Variants in MMP16 observed in about 807,000 individuals in gnomAD.
MMP16 encodes matrix metalloproteinase-16.
Under a neutral mutation model 67.8 loss-of-function variants are expected in MMP16, and 12 were observed. That is an observed-to-expected ratio of 0.18 (90% confidence interval 0.11 to 0.29). The LOEUF is 0.29. Ranked by LOEUF, MMP16 falls within the 10% of genes least tolerant of loss-of-function variation. The pLI is 1.00. For synonymous variants in MMP16, 249 were observed against 255.9 expected (o/e 0.97, Z 0.26); for missense variants, 475 against 765.7 (o/e 0.62, Z 4.48).
chr8:88,308,338 T>A (rs545626846), intron 1 of MMP16, among the ~76,000 whole-genome samples: 1 of 152,104 alleles, frequency 6.6e-6, no homozygotes, highest in Admixed American at 6.6e-5. Context: ...ATGTGAATGT[T>A]TGCTCTATAA....
chr8:88,053,698 A>G (rs1259201710), intron 8 of MMP16, among the ~76,000 whole-genome samples: 1 of 152,156 alleles, frequency 6.6e-6, no homozygotes, highest in African/African-American at 2.4e-5. Flanking sequence ...CTAAGTTTTA[A>G]ATCTAGAATA....
chr8:88,220,928 T>C (rs753918252), intron 1 of MMP16, among the ~76,000 whole-genome samples: 2 of 152,086 alleles, frequency 1.3e-5, no homozygotes, highest in Non-Finnish European at 2.9e-5. Flanking sequence ...AATAAATAAA[T>C]CCACAAAGAA....
chr8:88,088,065 A>AATAG (rs1808870103), intron 6 of MMP16, among the ~76,000 whole-genome samples: 1 of 100,014 alleles, frequency 1.0e-5, no homozygotes, highest in African/African-American at 4.2e-5. Context: ...ATCTATATAT[A>AATAG]ATAGATATCT....
chr8:88,118,745 A>G lies in MMP16; in HGVS notation c.826T>C (p.Phe276Leu). The change falls in exon 5 of 10, where the codon TTC becomes CTC. Residue 276 changes from phenylalanine (F) to leucine (L), a missense_variant. Physicochemically the swap from Phe to Leu is conservative, Grantham distance 22 (BLOSUM62 0). This residue lies in a region of MMP16 where 195 missense variants were observed against 300.9 expected (regional missense o/e 0.65). Coordinates refer to ENST00000286614, the MANE Select transcript of MMP16 (RefSeq NM_005941.5). ...TGTAAATCATCATTAGGTAGTTTGA[A>G]GTTGTCTGTTTCCATGTACTGGTAA... ...PFYQYMETDNFKLPNDDLQGI... is the reference protein window; with the variant it reads ...PFYQYMETDNLKLPNDDLQGI... 1 of 1,613,432 alleles carries G rather than the reference A, an allele frequency of 6.2e-7. No individual in the cohort carries two copies. Among genetic ancestry groups the G allele is most frequent in the Non-Finnish European group, 8.5e-7 (1 of 1,179,558 alleles).
rs1159347951 is a variant in MMP16, at chr8:88,098,545, T to A, written c.1083+17962A>T. 3.9e-5 allele frequency among the ~76,000 whole-genome samples: 6 copies of A among 152,128 alleles called. No individual in the cohort carries two copies. In the East Asian group the frequency reaches 9.7e-4, roughly 25 times the overall value. ...ACATATCAGAGGGCAAAAGCTAGGC[T>A]TCCTTTAGGGCATGGCCAATTCTTT... is the stretch of plus-strand genomic sequence containing the variant. On this transcript the variant is annotated intron_variant, in intron 6 of 9. Coordinates refer to ENST00000286614, the MANE Select transcript of MMP16 (RefSeq NM_005941.5).
At chr8:88,318,816 T>C (rs148452430) in intron 1 of MMP16, among the ~76,000 whole-genome samples, 131 of 152,310 alleles carry the variant, frequency 8.6e-4, no homozygotes, top group African/African-American at 2.6e-3. Context: ...TTAATTAACA[T>C]TGTTTTTTAT....
chr8:88,138,447 C>G (rs1374602714), intron 4 of MMP16, among the ~76,000 whole-genome samples: 4 of 151,984 alleles, frequency 2.6e-5, no homozygotes, highest in African/African-American at 4.8e-5. Context: ...TTTTGACTGG[C>G]TCTTAGATTT....
intron 1 of MMP16, among the ~76,000 whole-genome samples, chr8:88,237,346 T>C (rs915033305): frequency 1.3e-5 from 2 of 152,196 alleles, no homozygotes; most frequent in Non-Finnish European, 2.9e-5. Flanking sequence ...TGCCTGAATT[T>C]AGCTTTTCAA....
intron 6 of MMP16, among the ~76,000 whole-genome samples, chr8:88,098,384 C>A (rs2118368275): frequency 6.6e-6 from 1 of 152,090 alleles, no homozygotes; most frequent in Non-Finnish European, 1.5e-5. Flanking sequence ...GCGTCTAGGT[C>A]TACTTATACC....
chr8:88,299,740 G>A (rs368211392), intron 1 of MMP16, among the ~76,000 whole-genome samples: 3 of 152,146 alleles, frequency 2.0e-5, no homozygotes, highest in East Asian at 3.9e-4. Flanking sequence ...TCAGACAATA[G>A]ATAATAACTT....
chr8:88,227,858 TA>T (rs1809794855), intron 1 of MMP16, among the ~76,000 whole-genome samples: 1 of 152,016 alleles, frequency 6.6e-6, no homozygotes, highest in Non-Finnish European at 1.5e-5. Context: ...GCCCATTCCC[TA>T]AAATACCCAG....
intron 1 of MMP16, among the ~76,000 whole-genome samples, chr8:88,279,300 T>C (rs1585995769): frequency 6.6e-6 from 1 of 152,248 alleles, no homozygotes; most frequent in African/African-American, 2.4e-5. Flanking sequence ...GTTAAAATGA[T>C]AATATATCCG....
At chr8:88,168,551 C>G (rs1467191709) in intron 3 of MMP16, among the ~76,000 whole-genome samples, 3 of 152,116 alleles carry the variant, frequency 2.0e-5, no homozygotes, top group Non-Finnish European at 4.4e-5. Flanking sequence ...CTATTTAATA[C>G]AAAGTTTTCA....
chr8:88,169,736 A>G (rs7814234), intron 3 of MMP16, among the ~76,000 whole-genome samples: 12,465 of 152,200 alleles, frequency 0.082, 550 homozygotes, highest in African/African-American at 0.11. Flanking sequence ...GCAGGTTCAA[A>G]GAACAGCAAG....
At chr8:88,104,068 T>C (rs1217982807) in intron 6 of MMP16, among the ~76,000 whole-genome samples, 2 of 151,804 alleles carry the variant, frequency 1.3e-5, no homozygotes, top group Admixed American at 6.6e-5. Context: ...AAAATTAGTA[T>C]GGCTTCACCA....
At chr8:88,240,446 G>A (rs976091518) in intron 1 of MMP16, among the ~76,000 whole-genome samples, 6 of 152,174 alleles carry the variant, frequency 3.9e-5, no homozygotes. Flanking sequence ...CAGGAGAGCA[G>A]CAAGGACAGA....
intron 3 of MMP16, among the ~76,000 whole-genome samples, chr8:88,180,318 A>G (rs1352847797): frequency 6.7e-6 from 1 of 148,998 alleles, no homozygotes; most frequent in Non-Finnish European, 1.5e-5. Flanking sequence ...TGCCAATAAA[A>G]ACAGCACAGA....
At chr8:88,076,498 C>A (rs905807391) in intron 6 of MMP16, among the ~76,000 whole-genome samples, 1 of 152,080 alleles carries the variant, frequency 6.6e-6, no homozygotes, top group African/African-American at 2.4e-5. Context: ...ATGTTTTTCT[C>A]CTTTTCTTGA....
chr8:88,161,721 A>T lies in MMP16; in HGVS notation c.709+5948T>A, dbSNP rs561205683. Among the ~76,000 whole-genome samples, 47 of 151,938 alleles carry T rather than the reference A, an allele frequency of 3.1e-4. 1 individual carries two copies. The highest frequency in any genetic ancestry group is 6.3e-4 in the Non-Finnish European group (43 of 67,948). ...TAAATTTCCGTCTACACACTGCTTT[A>T]AACGTGTCCCAGAGATTCTGGTATG... On this transcript the variant is annotated intron_variant, in intron 4 of 9. Transcript: ENST00000286614.
Sources: allele counts gnomAD v4.1 joint callset (sites outside exome capture counted in the v4.1 genomes callset), GRCh38; gene constraint gnomAD v4.1.1; regional missense constraint gnomAD v4.1.1; transcripts MANE v1.5; gene names NCBI Gene and HGNC (gene_info 2026-07-23, HGNC 2026-07-21).